The following FGF13 variants were observed in gnomAD, a reference collection of about 807,000 sequenced individuals.
FGF13 encodes the protein fibroblast growth factor homologous factor 2.
Under a neutral mutation model 19.5 loss-of-function variants are expected in FGF13, and 2 were observed. The ratio of observed to expected loss-of-function variants is 0.10; its 90% CI spans 0.04 to 0.32. The LOEUF (loss-of-function observed/expected upper bound fraction) is 0.32, where lower values mean the gene tolerates loss of function less well. Among genes scored for constraint, FGF13 ranks in the 10% least tolerant of loss-of-function variants. The pLI is 1.00. For missense variants in FGF13, 113 were observed against 192.7 expected (o/e 0.59, Z 2.45); for synonymous variants, 72 against 76.9 (o/e 0.94, Z 0.33).
At chrX:138,707,058 T>C (rs1472344388) in intron 2 of FGF13, among the ~76,000 whole-genome samples, 1 of 112,173 alleles carries the variant, frequency 8.9e-6, no homozygotes, top group African/African-American at 3.2e-5. Flanking sequence ...ATCAGTCAGT[T>C]ATAAGACAAC....
chrX:138,946,008 T>C (rs540083328), intron 1 of FGF13, among the ~76,000 whole-genome samples: 2 of 111,698 alleles, frequency 1.8e-5, no homozygotes, highest in African/African-American at 3.2e-5. Flanking sequence ...TAAAGAGTTA[T>C]GGTGGTTTAA....
intron 1 of FGF13, among the ~76,000 whole-genome samples, chrX:139,184,538 T>C (rs1306458867): frequency 9.0e-6 from 1 of 111,124 alleles, no homozygotes; most frequent in African/African-American, 3.3e-5. Flanking sequence ...CTACCATACA[T>C]ACACATTCCC....
At chrX:138,796,093 G>A (rs182473574) in intron 3 of FGF13, among the ~76,000 whole-genome samples, 98 of 109,804 alleles carry the variant, frequency 8.9e-4, no homozygotes, top group African/African-American at 3.2e-3. Flanking sequence ...TGGGATACAT[G>A]TGCTGAACAT....
At chrX:138,933,148 A>G (rs1194336223) in intron 1 of FGF13, among the ~76,000 whole-genome samples, 1 of 111,583 alleles carries the variant, frequency 9.0e-6, no homozygotes, top group Non-Finnish European at 1.9e-5. Flanking sequence ...TGCCTGCAGG[A>G]CTAAGTTCAT....
At chrX:138,731,819 A>G (rs1348280585) in intron 1 of FGF13, among the ~76,000 whole-genome samples, 3 of 111,013 alleles carry the variant, frequency 2.7e-5, no homozygotes, top group Non-Finnish European at 5.7e-5. Flanking sequence ...AATCATTAAT[A>G]TAATAAATAG....
intron 3 of FGF13, among the ~76,000 whole-genome samples, chrX:138,694,593 G>T (rs1343405659): frequency 1.9e-5 from 2 of 106,385 alleles, no homozygotes; most frequent in Admixed American, 1.0e-4. Context: ...TGGGACTACA[G>T]GCGCCTGCCA....
At chrX:139,102,914 T>C (rs370716846) in intron 1 of FGF13, among the ~76,000 whole-genome samples, 3 of 112,564 alleles carry the variant, frequency 2.7e-5, no homozygotes, top group African/African-American at 9.7e-5. Flanking sequence ...AGAGTCTAGA[T>C]AAGACAATGA....
At chrX:138,838,627 C>A (rs1226936209) in intron 3 of FGF13, among the ~76,000 whole-genome samples, 2 of 111,981 alleles carry the variant, frequency 1.8e-5, no homozygotes, top group African/African-American at 6.5e-5. Context: ...AATGCGAGTA[C>A]CTGAATGTTT....
At chrX:138,966,018 T>G (rs1471762565) in intron 1 of FGF13, among the ~76,000 whole-genome samples, 2 of 112,216 alleles carry the variant, frequency 1.8e-5, no homozygotes, top group Non-Finnish European at 3.8e-5. Flanking sequence ...TCAACTTCAT[T>G]GGATTAAAGG....
At position 138,939,097 on chromosome X, in the gene FGF13, T is replaced by C. The variant is rs139885063; in HGVS notation, c.-112-74447A>G. ...AGTACTTGGAGAATAGAAATTGGTA[T>C]TTAAAGCCATTTCCTAAAACAACAA... On this transcript the variant is annotated intron_variant, in intron 1 of 2. Transcript: ENST00000421460. Among the ~76,000 whole-genome samples, 354 of 112,256 alleles carry C rather than the reference T, an allele frequency of 3.2e-3. 1 individual carries two copies. The highest frequency in any genetic ancestry group is 0.011 in the African/African-American group (329 of 30,963).
rs138700384 is a variant in FGF13 at position 138,761,130 on chromosome X, C to T, written c.218-52202G>A. Among the ~76,000 whole-genome samples, 107 of 111,788 alleles carry T rather than the reference C, an allele frequency of 9.6e-4. 1 individual carries two copies. The highest frequency in any genetic ancestry group is 6.8e-4 in the Non-Finnish European group (36 of 53,173). On this transcript the variant is annotated intron_variant, in intron 3 of 6. Coordinates refer to the FGF13 transcript ENST00000436198. ...TTATGTTCCTCTCCGGCCCTGATCT[C>T]AGCAGAATCACCATGTTAAATGTGC...
intron 3 of FGF13, among the ~76,000 whole-genome samples, chrX:138,669,086 G>T (rs368356392): frequency 9.0e-6 from 1 of 111,020 alleles, no homozygotes; most frequent in Non-Finnish European, 1.9e-5. Flanking sequence ...GAGACAGTCT[G>T]AAAGAGAAAC....
chrX:138,949,128 C>T (rs182519999), intron 1 of FGF13, among the ~76,000 whole-genome samples: 3 of 111,807 alleles, frequency 2.7e-5, no homozygotes, highest in Admixed American at 9.5e-5. Context: ...AGAGAAATTA[C>T]ATCTAGTTGA....
intron 1 of FGF13, among the ~76,000 whole-genome samples, chrX:139,004,375 C>T (rs973320878): frequency 2.7e-5 from 3 of 112,723 alleles, no homozygotes; most frequent in Non-Finnish European, 3.8e-5. Flanking sequence ...CGGCAAGCGC[C>T]GCACGCAGCC....
At chrX:138,813,013 G>T (rs2090937889) in intron 3 of FGF13, among the ~76,000 whole-genome samples, 1 of 111,910 alleles carries the variant, frequency 8.9e-6, no homozygotes, top group Admixed American at 9.5e-5. Context: ...CCACATCCCT[G>T]CAAAGGACAT....
chrX:139,131,379 A>AGG (rs1321086836), intron 1 of FGF13, among the ~76,000 whole-genome samples: 6 of 66,553 alleles, frequency 9.0e-5, no homozygotes, highest in East Asian at 9.2e-4. Flanking sequence ...TAGAATATAG[A>AGG]GGGGTGTGTG....
intron 1 of FGF13, among the ~76,000 whole-genome samples, chrX:139,006,637 A>T (rs1192343212): frequency 8.9e-6 from 1 of 111,978 alleles, no homozygotes; most frequent in Non-Finnish European, 1.9e-5. Flanking sequence ...ACTTTCCAAG[A>T]CATAGACATT....
At chrX:138,634,059 C>G (rs1244575269) in intron 4 of FGF13, among the ~76,000 whole-genome samples, 1 of 111,945 alleles carries the variant, frequency 8.9e-6, no homozygotes, top group Non-Finnish European at 1.9e-5. Context: ...ATTCTTGTCC[C>G]TCACCCTTTC....
At chrX:139,040,991 T>A (rs1438382168) in intron 1 of FGF13, among the ~76,000 whole-genome samples, 2 of 95,530 alleles carry the variant, frequency 2.1e-5, no homozygotes, top group Non-Finnish European at 4.0e-5. Flanking sequence ...CACTTGTAAG[T>A]GGGAGTTGAA....
Sources: allele counts gnomAD v4.1 joint callset (sites outside exome capture counted in the v4.1 genomes callset), GRCh38; gene constraint gnomAD v4.1.1; transcripts MANE v1.5; gene names NCBI Gene and HGNC (gene_info 2026-07-23, HGNC 2026-07-21).